Variants in CSMD3 observed in about 807,000 individuals in gnomAD.
CSMD3 encodes CUB and sushi domain-containing protein 3.
Under a neutral mutation model 435.2 loss-of-function variants are expected in CSMD3, and 177 were observed. The ratio of observed to expected loss-of-function variants is 0.41; its 90% CI spans 0.36 to 0.46. The LOEUF (loss-of-function observed/expected upper bound fraction) is 0.46. Ranked by LOEUF, CSMD3 falls within the 20% of genes least tolerant of loss-of-function variation. The probability of loss-of-function intolerance (pLI) is 0.34; values close to 1 mark genes in which losing one functional copy is unlikely to be tolerated. For synonymous variants in CSMD3, 1,656 were observed against 1,520.5 expected (o/e 1.09, Z -2.07); for missense variants, 4,265 against 4,504.6 (o/e 0.95, Z 1.52).
chr8:113,245,010 T>G (rs934337946), intron 3 of CSMD3, among the ~76,000 whole-genome samples: 1 of 152,190 alleles, frequency 6.6e-6, no homozygotes, highest in Non-Finnish European at 1.5e-5. Flanking sequence ...ACAATCACTG[T>G]ATCTTTTATC....
intron 32 of CSMD3, among the ~76,000 whole-genome samples, chr8:112,424,452 T>C (rs1812842961): frequency 6.6e-6 from 1 of 152,176 alleles, no homozygotes; most frequent in Non-Finnish European, 1.5e-5. Context: ...TGGTCTTCAA[T>C]GGTTTACAAA....
At chr8:112,616,705 TG>T (rs1833687636) in intron 22 of CSMD3, among the ~76,000 whole-genome samples, 1 of 152,092 alleles carries the variant, frequency 6.6e-6, no homozygotes, top group Non-Finnish European at 1.5e-5. Flanking sequence ...CTTTGTCCCC[TG>T]GGATGACACC....
intron 16 of CSMD3, among the ~76,000 whole-genome samples, chr8:112,670,648 ACTGGTCCTTGAGCC>A (rs1391678762): frequency 3.3e-5 from 5 of 152,172 alleles, no homozygotes; most frequent in Non-Finnish European, 7.3e-5. Context: ...AGGAGTCTAA[ACTGGTCCTTGAGCC>A]CTTGGCATGT....
chr8:113,195,019 T>A (rs1400042072), intron 3 of CSMD3, among the ~76,000 whole-genome samples: 1 of 151,234 alleles, frequency 6.6e-6, no homozygotes, highest in Admixed American at 6.6e-5. Flanking sequence ...ACTGTTCTAG[T>A]CCCCACACTC....
rs1184946752 is a variant in CSMD3 at position 112,304,855 on chromosome 8, T to C, written c.8132A>G (p.Asn2711Ser). Residue 2711 changes from asparagine (N) to serine (S), a missense_variant, in exon 52 of 71, where the codon AAT becomes AGT. This residue lies in a region of CSMD3 where 3,255 missense variants were observed against 3,380.2 expected (regional missense o/e 0.96). Transcript: ENST00000297405. ...GGTTTTGTATTCATAATGGGAGCCA[T>C]TCACAATTCGCCATCTTCCATGTTC... ...ILEHGRWRIV[N>S]GSHYEYKTKV... 1.2e-6 allele frequency: 2 copies of C among 1,613,776 alleles called. No individual in the cohort carries two copies. The highest frequency in any genetic ancestry group is 2.7e-5 in the African/African-American group (2 of 74,922).
At chr8:112,777,250 A>C (rs183786269) in intron 13 of CSMD3, among the ~76,000 whole-genome samples, 11 of 151,982 alleles carry the variant, frequency 7.2e-5, no homozygotes, top group Admixed American at 5.9e-4. Flanking sequence ...CTCCCACATA[A>C]TTTCACAGAA....
chr8:113,047,578 T>A (rs1004342852), intron 5 of CSMD3, among the ~76,000 whole-genome samples: 13 of 152,318 alleles, frequency 8.5e-5, no homozygotes, highest in Admixed American at 7.8e-4. Flanking sequence ...AAATCCCAGT[T>A]TTATGTTCAC....
intron 9 of CSMD3, among the ~76,000 whole-genome samples, chr8:112,927,107 A>T (rs1281588013): frequency 6.6e-6 from 1 of 152,182 alleles, no homozygotes; most frequent in Non-Finnish European, 1.5e-5. Flanking sequence ...ATATCTTTAA[A>T]AGTCTAATTA....
At chr8:112,632,667 C>A (rs1374648714) in intron 22 of CSMD3, among the ~76,000 whole-genome samples, 3 of 151,976 alleles carry the variant, frequency 2.0e-5, no homozygotes, top group East Asian at 3.9e-4. Context: ...CAAGTTTTTC[C>A]TGATTTAAAA....
At chr8:112,580,538 GA>G (rs5894089) in intron 23 of CSMD3, among the ~76,000 whole-genome samples, 23,947 of 142,926 alleles carry the variant, frequency 0.17, 2,259 homozygotes, top group Middle Eastern at 0.36. Context: ...AAAGAGGTAG[GA>G]AAAAAAAAAA....
At chr8:112,731,412 C>T (rs2077072274) in intron 13 of CSMD3, among the ~76,000 whole-genome samples, 1 of 152,156 alleles carries the variant, frequency 6.6e-6, no homozygotes, top group Non-Finnish European at 1.5e-5. Flanking sequence ...TTTCCTACAA[C>T]TGATGCTTTA....
intron 34 of CSMD3, among the ~76,000 whole-genome samples, chr8:112,408,014 G>A (rs1006778298): frequency 2.6e-5 from 4 of 151,934 alleles, no homozygotes; most frequent in African/African-American, 7.2e-5. Context: ...AGTCTAGAGT[G>A]CTAGACTGTT....
chr8:112,859,110 A>C (rs2080751010), intron 11 of CSMD3, 35 bp downstream of exon 11: 1 of 1,584,154 alleles, frequency 6.3e-7, no homozygotes, highest in Non-Finnish European at 8.7e-7. Context: ...TATGATTATG[A>C]CTTTTTTTTT....
At chr8:113,323,924 C>CATGA (rs1215397482) in intron 1 of CSMD3, among the ~76,000 whole-genome samples, 3 of 152,136 alleles carry the variant, frequency 2.0e-5, no homozygotes, top group African/African-American at 7.2e-5. Flanking sequence ...TTTATCAATA[C>CATGA]ATGAATGAAT....
intron 3 of CSMD3, among the ~76,000 whole-genome samples, chr8:113,257,663 T>C (rs139794025): frequency 1.3e-5 from 2 of 152,336 alleles, no homozygotes; most frequent in Admixed American, 6.5e-5. Context: ...CATTGATGTA[T>C]GTACAATGTC....
At chr8:112,436,003 G>A (rs574349992) in intron 32 of CSMD3, among the ~76,000 whole-genome samples, 2 of 151,804 alleles carry the variant, frequency 1.3e-5, no homozygotes, top group African/African-American at 2.4e-5. Flanking sequence ...AAATACCAGA[G>A]GATAAAGATA....
At chr8:112,322,147 G>A (rs192965097) in intron 45 of CSMD3, among the ~76,000 whole-genome samples, 2 of 152,038 alleles carry the variant, frequency 1.3e-5, no homozygotes, top group Admixed American at 1.3e-4. Flanking sequence ...TTTTACTTGT[G>A]TTTTTCTGTG....
At chr8:112,446,088 A>G (rs1351423063) in intron 32 of CSMD3, among the ~76,000 whole-genome samples, 2 of 152,192 alleles carry the variant, frequency 1.3e-5, no homozygotes, top group Non-Finnish European at 2.9e-5. Context: ...TGAGACTCAG[A>G]GAGATCAATG....
chr8:112,495,309 G>A (rs1448616252), intron 30 of CSMD3, among the ~76,000 whole-genome samples: 2 of 152,150 alleles, frequency 1.3e-5, no homozygotes, highest in East Asian at 1.9e-4. Context: ...GATTAATCTC[G>A]TTGACAAGTC....
Sources: gnomAD v4.1 joint callset for allele counts (sites outside exome capture counted in the v4.1 genomes callset) on GRCh38, gnomAD v4.1.1 for gene constraint, gnomAD v4.1.1 regional missense constraint, MANE v1.5 for transcripts, NCBI Gene and HGNC (gene_info 2026-07-23, HGNC 2026-07-21) for gene names.